The following ITPR3 variants were observed in gnomAD, a reference collection of about 807,000 sequenced individuals.
The protein encoded by ITPR3 is inositol 1,4,5-trisphosphate-gated calcium channel ITPR3.
Under a neutral mutation model 293.2 loss-of-function variants are expected in ITPR3, and 173 were observed. The observed-to-expected ratio is 0.59, with a 90% CI of 0.52 to 0.67. The LOEUF is 0.67. ITPR3 is among the 30% of genes least tolerant of loss of function. The pLI, the probability that ITPR3 is intolerant of heterozygous loss-of-function variation, is 0.00. For synonymous variants in ITPR3, 1,295 were observed against 1,444.4 expected, an observed-to-expected ratio of 0.90 and a Z score of 2.35; for missense variants, 2,796 against 3,592.1, an observed-to-expected ratio of 0.78 and a Z score of 5.66.
intron 1 of ITPR3, among the ~76,000 whole-genome samples, chr6:33,622,080 T>C (rs1763451128): frequency 6.6e-6 from 1 of 152,058 alleles, no homozygotes; most frequent in African/African-American, 2.4e-5. Context: ...GGCGGAGCTG[T>C]CGGGAGTGGG....
Position 33,691,120 on chromosome 6 carries a change from C to T in ITPR3, c.7225+11C>T, listed in dbSNP as rs1455783505. Reference sequence around the variant, plus strand: ...ACAACCACTCCACAGGTCTTGGAGGCTTCCTCTCCTGGGCAGGTTGTGGGG... The same window carrying T: ...ACAACCACTCCACAGGTCTTGGAGGTTTCCTCTCCTGGGCAGGTTGTGGGG... On this transcript the variant is annotated intron_variant, in intron 52 of 57. Coordinates refer to ENST00000605930, the MANE Select transcript of ITPR3 (RefSeq NM_002224.4). The surrounding 1 kb of genome is among the most constrained non-coding windows in gnomAD (Gnocchi z 4.9). The T allele has an allele frequency of 1.2e-6, 2 of 1,613,422 alleles. No homozygotes were observed. The highest frequency in any genetic ancestry group is 1.7e-6 in the Non-Finnish European group (2 of 1,179,418).
chr6:33,693,835 C>T, intron 56 of ITPR3, 130 bp downstream of exon 56: 1 of 1,101,820 alleles, frequency 9.1e-7, no homozygotes, highest in Non-Finnish European at 1.3e-6. Context: ...CCCTATCTGA[C>T]TGTTGGCCCT....
rs764215338 is a variant in ITPR3 at position 33,673,635 on chromosome 6, G to A, written c.2973G>A (p.Leu991=). 2.5e-6 allele frequency: 4 copies of A among 1,614,174 alleles called. No individual in the cohort carries two copies. Among genetic ancestry groups the A allele is most frequent in the Non-Finnish European group, 3.4e-6 (4 of 1,180,016 alleles). The part of the protein sequence containing the change: ...VRLDYRISYL[L]SVFKKEFVEV... ...TGGATTACCGCATATCCTACCTGCT[G>A]TCTGTCTTCAAGAAGGAGTTTGTGG... The change falls in exon 23 of 58, where the codon CTG becomes CTA. Residue 991 remains leucine, a synonymous_variant. Transcript: ENST00000605930.
chr6:33,671,352 C>T, intron 21 of ITPR3, 46 bp downstream of exon 21: 10 of 1,419,088 alleles, frequency 7.0e-6, no homozygotes, highest in Non-Finnish European at 9.7e-6. Flanking sequence ...TCCTCAGCCT[C>T]CTCCTAGCAC....
Position 33,695,861 on chromosome 6 carries a change from T to G in ITPR3, c.*81T>G. ...GAAGAACACTGCCCCCTCCCTCGGG[T>G]TGGGTGGCCCAGCCAGCTGGCCAGC... On this transcript the variant is annotated 3_prime_UTR_variant, in exon 58 of 58. Transcript: ENST00000605930. 6.9e-7 allele frequency: 1 copy of G among 1,441,088 alleles called. No individual in the cohort carries two copies. The highest frequency in any genetic ancestry group is 9.7e-7 in the Non-Finnish European group (1 of 1,029,748). 89.3% of individuals were successfully genotyped at this position (1,441,088 alleles called of 1,614,324 possible).
chr6:33,662,762 G>A, intron 8 of ITPR3, 88 bp downstream of exon 8: 1 of 1,544,108 alleles, frequency 6.5e-7, no homozygotes, highest in African/African-American at 1.4e-5. Flanking sequence ...GTGGGATATT[G>A]ACCCCTACCT....
intron 23 of ITPR3, 117 bp from the exon 24 acceptor site, chr6:33,674,091 G>A (rs1407444821): frequency 3.9e-6 from 5 of 1,271,918 alleles, no homozygotes; most frequent in Non-Finnish European, 5.6e-6. Context: ...AAAGGGGCAG[G>A]CAGAGCAGCT....
At chr6:33,647,641 A>C (rs1022305451) in intron 2 of ITPR3, among the ~76,000 whole-genome samples, 13 of 152,002 alleles carry the variant, frequency 8.6e-5, no homozygotes, top group African/African-American at 2.9e-4. Context: ...GGCTTATTTC[A>C]CTTAGCATAA....
chr6:33,659,929 T>A (rs191237957), intron 7 of ITPR3, among the ~76,000 whole-genome samples: 2 of 152,144 alleles, frequency 1.3e-5, no homozygotes, highest in South Asian at 4.1e-4. Flanking sequence ...TGTGCCCTCA[T>A]TGGCAAGCGA....
Position 33,687,457 on chromosome 6 carries a change from C to G in ITPR3, c.6178-21C>G. The G allele has an allele frequency of 6.2e-7, 1 of 1,600,884 alleles. No individual in the cohort carries two copies. Among genetic ancestry groups the G allele is most frequent in the Non-Finnish European group, 8.5e-7 (1 of 1,173,160 alleles). On this transcript the variant is annotated intron_variant, in intron 45 of 57. Transcript: ENST00000605930. The surrounding 1 kb of genome is among the most constrained non-coding windows in gnomAD (Gnocchi z 5.3). ...TCCCCCAGCCACCACACCCTGGTGA[C>G]TGTGCTGCCATTTCCCTCAGCTCTC...
intron 1 of ITPR3, among the ~76,000 whole-genome samples, chr6:33,623,205 C>T (rs1007600951): frequency 2.5e-4 from 38 of 151,686 alleles, no homozygotes; most frequent in African/African-American, 8.5e-4. Flanking sequence ...AGGGATCTAT[C>T]GTGGAAGTCC....
chr6:33,665,781 GA>G, intron 13 of ITPR3, 53 bp from the exon 14 acceptor site: 1 of 1,601,678 alleles, frequency 6.2e-7, no homozygotes, highest in Non-Finnish European at 8.5e-7. Flanking sequence ...CCCCAAGAGG[GA>G]CACCTGCTGG....
chr6:33,629,634 C>T (rs1763627264), intron 1 of ITPR3, among the ~76,000 whole-genome samples: 1 of 152,072 alleles, frequency 6.6e-6, no homozygotes, highest in African/African-American at 2.4e-5. Context: ...GTGCCAGCCA[C>T]CACGCCCAGC....
intron 2 of ITPR3, among the ~76,000 whole-genome samples, chr6:33,641,625 T>C (rs948360311): frequency 3.3e-5 from 5 of 152,060 alleles, no homozygotes; most frequent in African/African-American, 9.6e-5. Flanking sequence ...ATAAGGCCCC[T>C]TCACCCTACA....
In ITPR3 at chr6:33,666,052, C is replaced by T. The variant is rs1301007252; in HGVS notation, c.1551+76C>T. 1.3e-6 allele frequency: 2 copies of T among 1,507,168 alleles called. No homozygotes were observed. The highest frequency in any genetic ancestry group is 4.0e-5 in the Admixed American group (2 of 49,654). The allele number at this position is 1,507,168 out of a possible 1,614,324, so 93.4% of individuals were successfully genotyped here. On this transcript the variant is annotated intron_variant, in intron 14 of 57. Coordinates refer to ENST00000605930, the MANE Select transcript of ITPR3 (RefSeq NM_002224.4). This position sits in a 1 kb window ranked among gnomAD's most constrained non-coding sequence, Gnocchi z 5.1. The stretch of plus-strand genomic sequence containing the variant: ...GGATGCCTTCAACTGCAGGCTCATC[C>T]CCCGCTTTAACAAAAATCAGTATAT...
intron 27 of ITPR3, 39 bp downstream of exon 27, chr6:33,677,128 C>T: frequency 6.3e-7 from 1 of 1,584,098 alleles, no homozygotes; most frequent in Non-Finnish European, 8.7e-7. Flanking sequence ...GATCTGCAGC[C>T]CCAGTGGTCC....
In ITPR3 at chr6:33,691,175, G is replaced by C; in HGVS notation, c.7225+66G>C. ...AGGTTGGGTCTCACAAATGTCTGGCGTCAGGACCAGGACCTGCAGCGCTTA... is the reference window on the plus strand; with the variant it reads ...AGGTTGGGTCTCACAAATGTCTGGCCTCAGGACCAGGACCTGCAGCGCTTA... On this transcript the variant is annotated intron_variant, in intron 52 of 57. Coordinates refer to ENST00000605930, the MANE Select transcript of ITPR3 (RefSeq NM_002224.4). The surrounding 1 kb of genome is among the most constrained non-coding windows in gnomAD (Gnocchi z 4.9). The C allele has an allele frequency of 6.6e-7, 1 of 1,513,710 alleles. No individual in the cohort carries two copies. Among genetic ancestry groups the C allele is most frequent in the Non-Finnish European group, 9.1e-7 (1 of 1,095,954 alleles). The allele number at this position is 1,513,710 out of a possible 1,614,324, so 93.8% of individuals were successfully genotyped here. A position where few individuals can be genotyped will look rare whatever the true frequency, so the allele number is the denominator to read the frequency against.
chr6:33,678,725 C>T lies in ITPR3; in HGVS notation c.3858C>T (p.Phe1286=), dbSNP rs144005144. Residue 1286 remains phenylalanine (F), a synonymous_variant, in exon 30 of 58, where the codon TTC becomes TTT. Coordinates refer to ENST00000605930, the MANE Select transcript of ITPR3 (RefSeq NM_002224.4). ...SEISEPVLQH[F]VHLLATHGRH... ...TCAGCGAGCCTGTGTTGCAGCACTT[C>T]GTGCACCTGCTGGCCACGCACGGGC... 537 of 1,613,434 alleles carry T rather than the reference C, an allele frequency of 3.3e-4. 1 individual carries two copies. The African/African-American group carries it at 6.4e-3, about 19-fold the overall frequency.
chr6:33,694,225 A>T (rs1405319841), intron 56 of ITPR3: 1 of 157,064 alleles, frequency 6.4e-6, no homozygotes, highest in Non-Finnish European at 1.4e-5. Context: ...AATCACTTAC[A>T]GAAATCAAAT....
Sources: gnomAD v4.1 joint callset for allele counts (sites outside exome capture counted in the v4.1 genomes callset) on GRCh38, gnomAD v4.1.1 for gene constraint, Gnocchi (gnomAD v3.1) non-coding constraint, MANE v1.5 for transcripts, NCBI Gene and HGNC (gene_info 2026-07-23, HGNC 2026-07-21) for gene names.